Variants in C1orf21 observed in about 807,000 individuals in gnomAD.
The protein encoded by C1orf21 is uncharacterized protein C1orf21.
C1orf21 carries 3 observed loss-of-function variants against 18.7 expected under a neutral mutation model. That is an observed-to-expected ratio of 0.16 (90% CI 0.07 to 0.42). C1orf21 has a LOEUF of 0.42. C1orf21 is among the 10% of genes least tolerant of loss of function. C1orf21 has a pLI of 0.99. For synonymous variants in C1orf21, 41 were observed against 46.4 expected, an observed-to-expected ratio of 0.88 and a Z score of 0.47; for missense variants, 104 against 143.6, an observed-to-expected ratio of 0.72 and a Z score of 1.41.
rs1304881667 is a variant in C1orf21, at chr1:184,620,452, T to A, written c.*896T>A. 6.6e-6 allele frequency: 1 copy of A among 152,552 alleles called. No homozygotes were observed. Among genetic ancestry groups the A allele is most frequent in the Non-Finnish European group, 1.5e-5 (1 of 68,024 alleles). The allele number at this position is 152,552 out of a possible 1,614,324, so 9.4% of individuals were successfully genotyped here. A position where few individuals can be genotyped will look rare whatever the true frequency, so the allele number is the denominator to read the frequency against. ...GCTCCCTACCCTTCCATTAAGAATCTACCAAGCATTAGCAAGGCTGAAAGT... is the reference window on the plus strand; with the variant it reads ...GCTCCCTACCCTTCCATTAAGAATCAACCAAGCATTAGCAAGGCTGAAAGT... On this transcript the variant is annotated 3_prime_UTR_variant, in exon 6 of 6. Transcript: ENST00000235307.
intron 1 of C1orf21, among the ~76,000 whole-genome samples, chr1:184,397,325 G>T (rs190978632): frequency 6.6e-6 from 1 of 152,210 alleles, no homozygotes; most frequent in Non-Finnish European, 1.5e-5. Context: ...AGTGGCTCAC[G>T]CCTGTAATCC....
intron 1 of C1orf21, among the ~76,000 whole-genome samples, chr1:184,410,118 T>A (rs1191803824): frequency 3.3e-5 from 5 of 152,178 alleles, no homozygotes; most frequent in African/African-American, 1.2e-4. Flanking sequence ...CTTATTGTTC[T>A]GGCCAAAGAA....
chr1:184,610,065 G>C lies in C1orf21; in HGVS notation c.328-9453G>C, dbSNP rs142638711. On this transcript the variant is annotated intron_variant, in intron 5 of 5. Coordinates refer to ENST00000235307, the MANE Select transcript of C1orf21 (RefSeq NM_030806.4). ...AACAGTGTTAGCCTCTGATGCTACT[G>C]GTGGTTAATTCTGTTCTCTGGGGCA... is the stretch of plus-strand genomic sequence containing the variant. Among the ~76,000 whole-genome samples the C allele has an allele frequency of 3.4e-3, 525 of 152,380 alleles. 5 individuals carry two copies. The highest frequency in any genetic ancestry group is 0.012 in the African/African-American group (503 of 41,594).
intron 1 of C1orf21, among the ~76,000 whole-genome samples, chr1:184,399,888 A>C (rs1265768032): frequency 6.6e-6 from 1 of 152,230 alleles, no homozygotes; most frequent in Non-Finnish European, 1.5e-5. Context: ...CCTTGACAAC[A>C]TCAACTATTT....
chr1:184,615,789 TTTAC>T (rs1249046896), intron 5 of C1orf21, among the ~76,000 whole-genome samples: 1 of 152,262 alleles, frequency 6.6e-6, no homozygotes, highest in African/African-American at 2.4e-5. Context: ...TTTATTTTTA[TTTAC>T]TTATTTATTT....
chr1:184,536,465 C>T (rs544697567), intron 3 of C1orf21, among the ~76,000 whole-genome samples: 39 of 152,106 alleles, frequency 2.6e-4, no homozygotes, highest in Admixed American at 8.5e-4. Context: ...AAAAGTGACA[C>T]GTGGCCTTCA....
chr1:184,410,353 T>A (rs2101961274), intron 1 of C1orf21, among the ~76,000 whole-genome samples: 1 of 151,820 alleles, frequency 6.6e-6, no homozygotes, highest in East Asian at 1.9e-4. Flanking sequence ...GTTGAATGAT[T>A]TTCACCAAAT....
intron 1 of C1orf21, among the ~76,000 whole-genome samples, chr1:184,469,172 C>T (rs1657453560): frequency 6.6e-6 from 1 of 152,154 alleles, no homozygotes; most frequent in Non-Finnish European, 1.5e-5. Flanking sequence ...ATTGCTTGAA[C>T]CCAGGAGGCA....
At chr1:184,550,121 G>T (rs1191449931) in intron 3 of C1orf21, among the ~76,000 whole-genome samples, 2 of 152,188 alleles carry the variant, frequency 1.3e-5, no homozygotes, top group African/African-American at 4.8e-5. Context: ...GTAGTAGTTG[G>T]TTGGGGTTGT....
intron 1 of C1orf21, among the ~76,000 whole-genome samples, chr1:184,401,194 G>A (rs12063636): frequency 0.3 from 45,078 of 151,812 alleles, 10,296 homozygotes; most frequent in African/African-American, 0.65. Flanking sequence ...ATAGAATTGT[G>A]GGTCTTTTTC....
chr1:184,505,478 G>A (rs1349701654), intron 2 of C1orf21, among the ~76,000 whole-genome samples: 3 of 151,472 alleles, frequency 2.0e-5, no homozygotes, highest in Non-Finnish European at 2.9e-5. Flanking sequence ...TTTATTAATA[G>A]TAGGCCAGGC....
intron 3 of C1orf21, among the ~76,000 whole-genome samples, chr1:184,533,147 C>G (rs1394803069): frequency 6.6e-6 from 1 of 152,060 alleles, no homozygotes; most frequent in East Asian, 1.9e-4. Context: ...TCCTCTCTCT[C>G]CCTTCCCTCT....
At chr1:184,612,007 A>C (rs184276453) in intron 5 of C1orf21, among the ~76,000 whole-genome samples, 8 of 151,506 alleles carry the variant, frequency 5.3e-5, no homozygotes, top group Admixed American at 3.3e-4. Flanking sequence ...AGCTACTGAA[A>C]TAAAAAAATT....
rs113453035 is a variant in C1orf21, at chr1:184,609,496, A to G, written c.328-10022A>G. Among the ~76,000 whole-genome samples the G allele has an allele frequency of 3.7e-3, 566 of 152,286 alleles. 3 individuals carry two copies. The highest frequency in any genetic ancestry group is 6.5e-3 in the Non-Finnish European group (440 of 68,028). ...AGAGGCAAATGAATTAAAATGCCAG[A>G]TTTGCTAAAGCCATTGTCCAAAAGG... On this transcript the variant is annotated intron_variant, in intron 5 of 5. Coordinates refer to ENST00000235307, the MANE Select transcript of C1orf21 (RefSeq NM_030806.4).
intron 3 of C1orf21, among the ~76,000 whole-genome samples, chr1:184,512,876 C>T (rs961857343): frequency 1.4e-3 from 207 of 152,248 alleles, no homozygotes; most frequent in African/African-American, 4.8e-3. Flanking sequence ...GGTGAGAGAC[C>T]GAAGCTTCAT....
chr1:184,439,994 C>A (rs1300483018), intron 1 of C1orf21, among the ~76,000 whole-genome samples: 1 of 151,862 alleles, frequency 6.6e-6, no homozygotes, highest in East Asian at 1.9e-4. Flanking sequence ...GACACTGAAC[C>A]CTGAGATATA....
rs528285002 is a variant in C1orf21, at chr1:184,575,506, C to T, written c.190-15233C>T. 6.7e-5 allele frequency among the ~76,000 whole-genome samples: 10 copies of T among 150,012 alleles called. No individual in the cohort carries two copies. The South Asian group carries it at 2.1e-3, about 31-fold the overall frequency. On this transcript the variant is annotated intron_variant, in intron 3 of 5. Transcript: ENST00000235307. The stretch of plus-strand genomic sequence containing the variant: ...AGTAAGGACCTAAATTTACAATTAA[C>T]CAGGACTAATCATAGAAGTGCTAGA...
intron 1 of C1orf21, among the ~76,000 whole-genome samples, chr1:184,410,811 C>T (rs907917591): frequency 4.2e-5 from 6 of 141,418 alleles, no homozygotes; most frequent in African/African-American, 1.7e-4. Flanking sequence ...GCCTCCATGC[C>T]AGGCTAATTT....
intron 1 of C1orf21, among the ~76,000 whole-genome samples, chr1:184,411,533 T>C (rs1029119899): frequency 6.7e-6 from 1 of 149,354 alleles, no homozygotes; most frequent in Non-Finnish European, 1.5e-5. Flanking sequence ...GCCATTCTCC[T>C]GCCTCAGCCT....
Sources: gnomAD v4.1 joint callset for allele counts (sites outside exome capture counted in the v4.1 genomes callset) on GRCh38, gnomAD v4.1.1 for gene constraint, MANE v1.5 for transcripts, NCBI Gene and HGNC (gene_info 2026-07-23, HGNC 2026-07-21) for gene names.